The following MAP2K5 variants were observed in gnomAD, a reference collection of about 807,000 sequenced individuals.
MAP2K5 encodes the protein mitogen-activated protein kinase kinase 5, also known as dual specificity mitogen-activated protein kinase kinase 5.
MAP2K5 carries 49 observed loss-of-function variants against 83.1 expected under a neutral mutation model. That is an observed-to-expected ratio of 0.59 (90% CI 0.47 to 0.75). The LOEUF (loss-of-function observed/expected upper bound fraction) is 0.75. Among genes scored for constraint, MAP2K5 ranks in the 30% least tolerant of loss-of-function variants. The probability of loss-of-function intolerance (pLI) is 0.00; values close to 1 mark genes in which losing one functional copy is unlikely to be tolerated. For missense variants in MAP2K5, 457 were observed against 557.5 expected (o/e 0.82, Z 1.82); for synonymous variants, 202 against 191.8 (o/e 1.05, Z -0.44).
chr15:67,594,610 G>A (rs2085484242), intron 7 of MAP2K5, among the ~76,000 whole-genome samples: 1 of 152,150 alleles, frequency 6.6e-6, no homozygotes, highest in Non-Finnish European at 1.5e-5. Context: ...TGTTTTGACA[G>A]TAAGCCTAGT....
rs148439312 is a variant in MAP2K5, at chr15:67,652,029, A to T, written c.736+5560A>T. Among the ~76,000 whole-genome samples, 3 of 152,140 alleles carry T rather than the reference A, an allele frequency of 2.0e-5. No individual in the cohort carries two copies. Among genetic ancestry groups the T allele is most frequent in the African/African-American group, 7.2e-5 (3 of 41,444 alleles). On this transcript the variant is annotated intron_variant, in intron 11 of 21. Coordinates refer to ENST00000178640, the MANE Select transcript of MAP2K5 (RefSeq NM_145160.3). The surrounding 1 kb of genome is among the most constrained non-coding windows in gnomAD (Gnocchi z 4.2). ...CTCCACATCCTTGCCAGCATCTATT[A>T]TTCCCTGTCTTTTTGATAAAAGCCA...
intron 16 of MAP2K5, among the ~76,000 whole-genome samples, chr15:67,711,699 A>G (rs989037687): frequency 1.5e-4 from 23 of 152,298 alleles, no homozygotes; most frequent in African/African-American, 5.5e-4. Flanking sequence ...ACACAAAAGG[A>G]TAATACCATA....
At chr15:67,805,479 T>G (rs548946517) in intron 21 of MAP2K5, among the ~76,000 whole-genome samples, 1 of 152,344 alleles carries the variant, frequency 6.6e-6, no homozygotes, top group South Asian at 2.1e-4. Flanking sequence ...TGCGGCTCTT[T>G]AAGCAGCCTC....
chr15:67,579,612 G>A (rs1441059294), intron 3 of MAP2K5, among the ~76,000 whole-genome samples: 4 of 151,818 alleles, frequency 2.6e-5, no homozygotes, highest in African/African-American at 9.7e-5. Flanking sequence ...CACTTTATTT[G>A]TTATTAGTGC....
At position 67,764,431 on chromosome 15, in the gene MAP2K5, G is replaced by T. The variant is rs2090004695; in HGVS notation, c.1135-5171G>T. On this transcript the variant is annotated intron_variant, in intron 19 of 21. Transcript: ENST00000178640. The surrounding 1 kb of genome is among the most constrained non-coding windows in gnomAD (Gnocchi z 4.9). ...GACCCTCGTTTGTGAACTCGCGTCTGCCAGCCAAACTGAACCAAAACCTCA... is the reference window on the plus strand; with the variant it reads ...GACCCTCGTTTGTGAACTCGCGTCTTCCAGCCAAACTGAACCAAAACCTCA... 6.6e-6 allele frequency among the ~76,000 whole-genome samples: 1 copy of T among 152,148 alleles called. No homozygotes were observed. Among genetic ancestry groups the T allele is most frequent in the Non-Finnish European group, 1.5e-5 (1 of 68,026 alleles).
chr15:67,803,589 G>C (rs4776974), intron 21 of MAP2K5, among the ~76,000 whole-genome samples: 16 of 151,806 alleles, frequency 1.1e-4, no homozygotes, highest in South Asian at 2.1e-4. Context: ...CCTAACCCCT[G>C]TCTTCCCTCC....
chr15:67,665,693 T>C lies in MAP2K5; in HGVS notation c.847+1048T>C. ...TCAAATAGTCAGGTTTTTGAAGGTA[T>C]TTAACTGACTAAATGGAATCATAAA... On this transcript the variant is annotated intron_variant, in intron 13 of 21. Coordinates refer to ENST00000178640, the MANE Select transcript of MAP2K5 (RefSeq NM_145160.3). The surrounding 1 kb of genome is among the most constrained non-coding windows in gnomAD (Gnocchi z 4.2). 6.6e-6 allele frequency among the ~76,000 whole-genome samples: 1 copy of C among 152,178 alleles called. No homozygotes were observed. The highest frequency in any genetic ancestry group is 1.9e-4 in the East Asian group (1 of 5,192).
intron 16 of MAP2K5, among the ~76,000 whole-genome samples, chr15:67,712,913 CAA>C (rs34588322): frequency 5.9e-5 from 7 of 119,360 alleles, no homozygotes; most frequent in Admixed American, 8.8e-5. Context: ...CAGGCTGTCT[CAA>C]AAAAAAAAAA....
At position 67,574,718 on chromosome 15, in the gene MAP2K5, T is replaced by C. The variant is rs182973647; in HGVS notation, c.253-6036T>C. Among the ~76,000 whole-genome samples the C allele has an allele frequency of 4.0e-5, 6 of 151,448 alleles. No homozygotes were observed. The East Asian group carries it at 1.2e-3, about 29-fold the overall frequency. ...CCCGTCTCTACTAAAAATACAAAAA[T>C]TAGCTGGGCGTGGTGTCGGGCGCCT... is the stretch of plus-strand genomic sequence containing the variant. On this transcript the variant is annotated intron_variant, in intron 3 of 21. Coordinates refer to ENST00000178640, the MANE Select transcript of MAP2K5 (RefSeq NM_145160.3).
chr15:67,804,595 C>T (rs760099756), intron 21 of MAP2K5, among the ~76,000 whole-genome samples: 8 of 152,228 alleles, frequency 5.3e-5, no homozygotes, highest in East Asian at 1.9e-4. Flanking sequence ...TGTGGAGGAA[C>T]GCCTCTACGC....
intron 13 of MAP2K5, among the ~76,000 whole-genome samples, chr15:67,678,573 A>G (rs2087736630): frequency 6.6e-6 from 1 of 152,272 alleles, no homozygotes; most frequent in Non-Finnish European, 1.5e-5. Flanking sequence ...TGATGTGAAT[A>G]GGTCACAACA....
chr15:67,600,549 G>T (rs888542099), intron 7 of MAP2K5, 136 bp from the exon 8 acceptor site: 1 of 662,108 alleles, frequency 1.5e-6, no homozygotes, highest in Non-Finnish European at 2.6e-6. Flanking sequence ...AGCAAACGTT[G>T]TATTGATCTT....
intron 16 of MAP2K5, among the ~76,000 whole-genome samples, chr15:67,713,535 A>G (rs1049258318): frequency 5.9e-5 from 9 of 152,246 alleles, no homozygotes; most frequent in African/African-American, 2.2e-4. Context: ...CGGGAGTTTG[A>G]GACCAGCCTG....
At chr15:67,686,747 T>G (rs1010227686) in intron 13 of MAP2K5, among the ~76,000 whole-genome samples, 1 of 152,202 alleles carries the variant, frequency 6.6e-6, no homozygotes. Context: ...TAGAACTGAC[T>G]GTAAAGTTTT....
At position 67,652,632 on chromosome 15, in the gene MAP2K5, T is replaced by G. The variant is rs753225181; in HGVS notation, c.737-5921T>G. Reference sequence around the variant, plus strand: ...GGGAGTGAGATTTCAACATGAGTTTTGAAGGGGACAAATATTCAAACTGTA... The same window carrying G: ...GGGAGTGAGATTTCAACATGAGTTTGGAAGGGGACAAATATTCAAACTGTA... On this transcript the variant is annotated intron_variant, in intron 11 of 21. Coordinates refer to ENST00000178640, the MANE Select transcript of MAP2K5 (RefSeq NM_145160.3). The surrounding 1 kb of genome is among the most constrained non-coding windows in gnomAD (Gnocchi z 4.2). 3.9e-5 allele frequency among the ~76,000 whole-genome samples: 6 copies of G among 152,194 alleles called. No individual in the cohort carries two copies. Among genetic ancestry groups the G allele is most frequent in the Non-Finnish European group, 7.3e-5 (5 of 68,036 alleles).
In MAP2K5 at chr15:67,542,717, C is replaced by T. The variant is rs1416912708; in HGVS notation, c.-619C>T. On this transcript the variant is annotated 5_prime_UTR_variant, in exon 1 of 22. Coordinates refer to ENST00000178640, the MANE Select transcript of MAP2K5 (RefSeq NM_145160.3). Reference sequence around the variant, plus strand: ...GTGTCGCCGCCGCCTTCCTCCTCCTCCTCTCGCCGCTACCGCCGTCGCCGC... The same window carrying T: ...GTGTCGCCGCCGCCTTCCTCCTCCTTCTCTCGCCGCTACCGCCGTCGCCGC... 2 of 154,082 alleles carry T rather than the reference C, an allele frequency of 1.3e-5. No individual in the cohort carries two copies. The highest frequency in any genetic ancestry group is 3.3e-3 in the Middle Eastern group (1 of 304). 9.5% of individuals were successfully genotyped at this position (154,082 alleles called of 1,614,324 possible).
intron 17 of MAP2K5, among the ~76,000 whole-genome samples, chr15:67,739,796 T>G (rs1342253965): frequency 6.6e-6 from 1 of 151,942 alleles, no homozygotes; most frequent in Admixed American, 6.6e-5. Flanking sequence ...TAAGATTATT[T>G]CCCTCCTTAT....
intron 8 of MAP2K5, among the ~76,000 whole-genome samples, chr15:67,627,618 A>G (rs1490404528): frequency 2.6e-5 from 4 of 152,200 alleles, no homozygotes; most frequent in East Asian, 3.8e-4. Context: ...ACAAATACCT[A>G]TATGCTCTTA....
At chr15:67,649,630 C>G (rs772691855) in intron 11 of MAP2K5, among the ~76,000 whole-genome samples, 6 of 151,992 alleles carry the variant, frequency 3.9e-5, no homozygotes, top group Non-Finnish European at 7.4e-5. Flanking sequence ...GAAAATTGAC[C>G]ATAACATATA....
Sources: gnomAD v4.1 joint callset for allele counts (sites outside exome capture counted in the v4.1 genomes callset) on GRCh38, gnomAD v4.1.1 for gene constraint, Gnocchi (gnomAD v3.1) non-coding constraint, MANE v1.5 for transcripts, NCBI Gene and HGNC (gene_info 2026-07-23, HGNC 2026-07-21) for gene names.